The following RAVER2 variants were observed in gnomAD, a reference collection of about 807,000 sequenced individuals.
RAVER2 encodes ribonucleoprotein PTB-binding 2.
Under a neutral mutation model 78.1 loss-of-function variants are expected in RAVER2, and 46 were observed. That is an observed-to-expected ratio of 0.59 (90% CI 0.46 to 0.75). The LOEUF (loss-of-function observed/expected upper bound fraction) is 0.75, where lower values mean the gene tolerates loss of function less well. Ranked by LOEUF, RAVER2 falls within the 30% of genes least tolerant of loss-of-function variation. RAVER2 has a pLI of 0.00. For synonymous variants in RAVER2, 311 were observed against 313.3 expected, an observed-to-expected ratio of 0.99 and a Z score of 0.08; for missense variants, 793 against 837.5, an observed-to-expected ratio of 0.95 and a Z score of 0.66.
At chr1:64,782,181 G>A (rs1652649326) in intron 4 of RAVER2, among the ~76,000 whole-genome samples, 1 of 152,184 alleles carries the variant, frequency 6.6e-6, no homozygotes, top group Non-Finnish European at 1.5e-5. Flanking sequence ...TGTGATTACA[G>A]GCGTGAGCCA....
At chr1:64,786,429 C>T (rs549850120) in intron 4 of RAVER2, among the ~76,000 whole-genome samples, 16 of 152,322 alleles carry the variant, frequency 1.1e-4, no homozygotes, top group African/African-American at 2.9e-4. Flanking sequence ...CTTCTACCTC[C>T]GTTTTCTTCG....
At chr1:64,825,818 T>A (rs1354578596) in intron 11 of RAVER2, among the ~76,000 whole-genome samples, 1 of 152,234 alleles carries the variant, frequency 6.6e-6, no homozygotes, top group Non-Finnish European at 1.5e-5. Context: ...AATAAAAAGA[T>A]TTGCTTTAAT....
chr1:64,817,128 C>A (rs575632372), intron 11 of RAVER2, among the ~76,000 whole-genome samples: 6 of 152,296 alleles, frequency 3.9e-5, no homozygotes, highest in Admixed American at 2.6e-4. Context: ...GAAGACATTT[C>A]TGCAGCCAAC....
intron 4 of RAVER2, among the ~76,000 whole-genome samples, chr1:64,788,689 G>A (rs1011966371): frequency 6.6e-5 from 10 of 150,634 alleles, no homozygotes; most frequent in African/African-American, 2.4e-4. Flanking sequence ...CTGCTCGGGT[G>A]GCTGAGGCAA....
intron 8 of RAVER2, among the ~76,000 whole-genome samples, 183 bp downstream of exon 8, chr1:64,805,288 C>T (rs578239088): frequency 6.6e-6 from 1 of 152,128 alleles, no homozygotes; most frequent in Non-Finnish European, 1.5e-5. Context: ...GATGGACTTG[C>T]TTCCATGCCA....
intron 5 of RAVER2, among the ~76,000 whole-genome samples, chr1:64,801,226 G>A (rs142102613): frequency 0.12 from 18,139 of 151,572 alleles, 1,271 homozygotes; most frequent in East Asian, 0.28. Context: ...TGCCTCCCAA[G>A]TAGCTGGGAT....
At position 64,762,466 on chromosome 1, in the gene RAVER2, GA is replaced by G. The variant is rs1197165275; in HGVS notation, c.250-6178del. On this transcript the variant is annotated intron_variant, in intron 1 of 11. Transcript: ENST00000294428. ...GACCTGGAATAGCCAAGATACTTTT[GA>G]AAAAAAAAAAACTTGGAAGACTTAC... 3.9e-4 allele frequency among the ~76,000 whole-genome samples: 52 copies of G among 133,756 alleles called. No individual in the cohort carries two copies. The East Asian group carries it at 5.2e-3, about 13-fold the overall frequency. The allele number at this position is 133,756 out of a possible 152,430, so 87.7% of individuals were successfully genotyped here. A position where few individuals can be genotyped will look rare whatever the true frequency, so the allele number is the denominator to read the frequency against.
At chr1:64,820,783 T>A (rs1190621360) in intron 11 of RAVER2, among the ~76,000 whole-genome samples, 1 of 152,236 alleles carries the variant, frequency 6.6e-6, no homozygotes, top group Non-Finnish European at 1.5e-5. Context: ...ATAGTGTATA[T>A]GTACCACATA....
intron 4 of RAVER2, among the ~76,000 whole-genome samples, chr1:64,786,744 G>C (rs942705731): frequency 1.3e-5 from 2 of 151,420 alleles, no homozygotes; most frequent in Non-Finnish European, 2.9e-5. Context: ...AGTGAACCGA[G>C]ATCACACCAT....
chr1:64,832,833 C>A (rs994807421), exon 12 of RAVER2: 1 of 152,234 alleles, frequency 6.6e-6, no homozygotes, highest in African/African-American at 2.4e-5. Flanking sequence ...TCCCATTTTC[C>A]TGTTGCATTC....
At position 64,823,941 on chromosome 1, in the gene RAVER2, G is replaced by A. The variant is rs149500967; in HGVS notation, c.1930-6898G>A. Among the ~76,000 whole-genome samples the A allele has an allele frequency of 1.3e-4, 20 of 151,694 alleles. 1 individual carries two copies. The highest frequency in any genetic ancestry group is 4.1e-4 in the African/African-American group (17 of 41,348). ...CCTGCCTCAGCGTCCCGAGTAGCTC[G>A]AATTACAAGCACCCACCACCATGCC... On this transcript the variant is annotated intron_variant, in intron 11 of 11. Transcript: ENST00000294428.
intron 5 of RAVER2, among the ~76,000 whole-genome samples, 160 bp from the exon 6 acceptor site, chr1:64,802,816 C>T (rs1216488528): frequency 6.6e-6 from 1 of 152,102 alleles, no homozygotes; most frequent in East Asian, 1.9e-4. Context: ...GGGAAAGGTA[C>T]CTATCACTTT....
intron 11 of RAVER2, among the ~76,000 whole-genome samples, chr1:64,826,628 T>C (rs946657088): frequency 3.9e-5 from 6 of 152,170 alleles, no homozygotes; most frequent in South Asian, 4.1e-4. Context: ...GGACTTTGGC[T>C]TTTACTCTAA....
At chr1:64,748,250 A>G (rs1651597114) in intron 1 of RAVER2, among the ~76,000 whole-genome samples, 1 of 152,104 alleles carries the variant, frequency 6.6e-6, no homozygotes, top group Non-Finnish European at 1.5e-5. Context: ...GCTTTCTGGA[A>G]TCTTCCTGGC....
At chr1:64,813,642 T>TTTA (rs1375669093) in intron 10 of RAVER2, among the ~76,000 whole-genome samples, 1 of 152,162 alleles carries the variant, frequency 6.6e-6, no homozygotes, top group Non-Finnish European at 1.5e-5. Context: ...ATATACATCC[T>TTTA]CTGTATTTTA....
intron 3 of RAVER2, 42 bp from the exon 4 acceptor site, chr1:64,781,338 G>T (rs1182343375): frequency 1.4e-6 from 2 of 1,446,944 alleles, no homozygotes; most frequent in African/African-American, 2.8e-5. Flanking sequence ...ATGTTTCTAA[G>T]TAAAGATCGG....
chr1:64,768,105 T>A (rs1055331508), intron 1 of RAVER2, among the ~76,000 whole-genome samples: 3 of 152,002 alleles, frequency 2.0e-5, no homozygotes, highest in African/African-American at 7.2e-5. Context: ...TACAATTTAT[T>A]TTTTCTACGT....
rs78999044 is a variant in RAVER2 at position 64,813,235 on chromosome 1, G to A, written c.1792+386G>A. On this transcript the variant is annotated intron_variant, in intron 10 of 11. Coordinates refer to ENST00000294428, the Ensembl canonical transcript of RAVER2. The stretch of plus-strand genomic sequence containing the variant: ...TAAATCAACTATTCATTCAAATATC[G>A]TTTTAAGAGAAAATCACAAATGTGA... Among the ~76,000 whole-genome samples the A allele has an allele frequency of 8.0e-3, 1,222 of 152,256 alleles. 21 individuals carry two copies. Among genetic ancestry groups the A allele is most frequent in the African/African-American group, 0.028 (1,169 of 41,560 alleles).
At chr1:64,831,841 C>T (rs534974892) in exon 12 of RAVER2, 1 of 152,234 alleles carries the variant, frequency 6.6e-6, no homozygotes, top group South Asian at 2.1e-4. Flanking sequence ...TTTATTGGGA[C>T]GTTGCCATGC....
Sources: allele counts gnomAD v4.1 joint callset (sites outside exome capture counted in the v4.1 genomes callset), GRCh38; gene constraint gnomAD v4.1.1; transcripts MANE v1.5; gene names NCBI Gene and HGNC (gene_info 2026-07-23, HGNC 2026-07-21).